The following GBE1 variants were observed in gnomAD, a reference collection of about 807,000 sequenced individuals.
GBE1 encodes the protein 1,4-alpha-glucan branching enzyme 1.
In GBE1, 70 loss-of-function variants were observed where a neutral mutation model predicts 88.8. The observed-to-expected ratio is 0.79, with a 90% CI of 0.65 to 0.96. GBE1 has a LOEUF of 0.96. GBE1 is among the 40% of genes least tolerant of loss of function. The pLI is 0.00. For missense variants in GBE1, 872 were observed against 871.0 expected (o/e 1.00, Z -0.01); for synonymous variants, 284 against 300.1 (o/e 0.95, Z 0.56).
At chr3:81,722,567 T>A (rs780846453) in intron 1 of GBE1, among the ~76,000 whole-genome samples, 64 of 152,000 alleles carry the variant, frequency 4.2e-4, no homozygotes, top group Non-Finnish European at 7.9e-4. Context: ...GCATGTTTAA[T>A]CAAATTGTCT....
At chr3:81,634,054 G>A (rs569186072) in intron 7 of GBE1, among the ~76,000 whole-genome samples, 4 of 152,142 alleles carry the variant, frequency 2.6e-5, no homozygotes, top group Non-Finnish European at 4.4e-5. Context: ...AATTGTATTC[G>A]AAATGGTTTG....
intron 1 of GBE1, among the ~76,000 whole-genome samples, chr3:81,717,960 TTTATTTA>T (rs1229504815): frequency 1.7e-4 from 7 of 42,354 alleles, no homozygotes; most frequent in East Asian, 8.9e-3. Flanking sequence ...TTTTATTTTA[TTTATTTA>T]TTTATTTATT....
At chr3:81,725,610 T>C (rs1706100684) in intron 1 of GBE1, among the ~76,000 whole-genome samples, 1 of 152,228 alleles carries the variant, frequency 6.6e-6, no homozygotes, top group Admixed American at 6.5e-5. Context: ...GTATTATCAT[T>C]ATTAAGCAGT....
At chr3:81,494,776 T>A (rs1354002838) in intron 15 of GBE1, among the ~76,000 whole-genome samples, 2 of 152,218 alleles carry the variant, frequency 1.3e-5, no homozygotes, top group Non-Finnish European at 2.9e-5. Context: ...TCTACTCAGT[T>A]ATTTTGACAA....
At chr3:81,506,071 A>C (rs1267855849) in intron 14 of GBE1, among the ~76,000 whole-genome samples, 1 of 152,174 alleles carries the variant, frequency 6.6e-6, no homozygotes, top group Non-Finnish European at 1.5e-5. Context: ...GGATCTAATT[A>C]AACTAGGGAG....
chr3:81,671,723 T>C (rs1379900816), intron 2 of GBE1, among the ~76,000 whole-genome samples: 4 of 152,022 alleles, frequency 2.6e-5, no homozygotes. Flanking sequence ...TAGAAGAAAA[T>C]ACAGAGAAAT....
chr3:81,552,959 T>C lies in GBE1; in HGVS notation c.1619-15864A>G, dbSNP rs578220738. Among the ~76,000 whole-genome samples the C allele has an allele frequency of 1.2e-4, 18 of 152,322 alleles. No individual in the cohort carries two copies. The East Asian group carries it at 3.1e-3, about 26-fold the overall frequency. On this transcript the variant is annotated intron_variant, in intron 12 of 15. Transcript: ENST00000429644. Reference sequence around the variant, plus strand: ...TTCAGATAATAGATCAGGAAAGTAATGTGACTTTCTAAGGTTATACAGGTA... The same window carrying C: ...TTCAGATAATAGATCAGGAAAGTAACGTGACTTTCTAAGGTTATACAGGTA...
intron 12 of GBE1, among the ~76,000 whole-genome samples, chr3:81,555,026 A>C (rs1306195032): frequency 6.6e-6 from 1 of 152,168 alleles, no homozygotes; most frequent in Non-Finnish European, 1.5e-5. Flanking sequence ...CTGGTGCCAA[A>C]GAAAGGAGAA....
intron 10 of GBE1, among the ~76,000 whole-genome samples, chr3:81,585,122 A>AC (rs1172833613): frequency 6.6e-6 from 1 of 152,158 alleles, no homozygotes; most frequent in East Asian, 1.9e-4. Context: ...TTTATAAAAT[A>AC]CTTGCTTTTT....
At chr3:81,647,460 C>T (rs1281261697) in intron 5 of GBE1, among the ~76,000 whole-genome samples, 1 of 151,690 alleles carries the variant, frequency 6.6e-6, no homozygotes, top group Non-Finnish European at 1.5e-5. Flanking sequence ...TTTAAAAATC[C>T]GTAACATTAA....
At chr3:81,628,457 T>C (rs1704450654) in intron 7 of GBE1, among the ~76,000 whole-genome samples, 2 of 152,018 alleles carry the variant, frequency 1.3e-5, no homozygotes, top group Admixed American at 1.3e-4. Flanking sequence ...AACTGATTTA[T>C]TCATGTGATC....
At chr3:81,627,746 C>CATATAT (rs59598450) in intron 7 of GBE1, among the ~76,000 whole-genome samples, 2 of 127,136 alleles carry the variant, frequency 1.6e-5, no homozygotes, top group South Asian at 2.5e-4. Flanking sequence ...ATATATTTTA[C>CATATAT]ATATATATAT....
chr3:81,580,584 T>C (rs1406802033), intron 11 of GBE1, among the ~76,000 whole-genome samples: 1 of 151,752 alleles, frequency 6.6e-6, no homozygotes, highest in African/African-American at 2.4e-5. Context: ...GGAAACCGGC[T>C]TGAGCCAAAA....
chr3:81,742,351 G>C (rs1477432223), intron 1 of GBE1, among the ~76,000 whole-genome samples: 1 of 151,940 alleles, frequency 6.6e-6, no homozygotes, highest in Admixed American at 6.6e-5. Flanking sequence ...AAAATGCTAT[G>C]AACAACTTTA....
chr3:81,664,554 C>T (rs905869307), intron 3 of GBE1, among the ~76,000 whole-genome samples: 1 of 151,524 alleles, frequency 6.6e-6, no homozygotes, highest in Admixed American at 6.6e-5. Flanking sequence ...AAAAAGAAAA[C>T]CAACAAAATT....
chr3:81,494,505 T>C (rs995396416), intron 15 of GBE1, among the ~76,000 whole-genome samples: 2 of 152,332 alleles, frequency 1.3e-5, no homozygotes, highest in African/African-American at 4.8e-5. Flanking sequence ...ATATAAAAAG[T>C]ATATTGATGT....
intron 7 of GBE1, among the ~76,000 whole-genome samples, chr3:81,604,160 G>A (rs1232233891): frequency 3.3e-5 from 5 of 151,786 alleles, no homozygotes; most frequent in African/African-American, 1.2e-4. Flanking sequence ...TTGTCTAAAC[G>A]TTAAGAACCG....
chr3:81,581,650 CTT>C (rs1703733505), intron 10 of GBE1, among the ~76,000 whole-genome samples: 1 of 151,932 alleles, frequency 6.6e-6, no homozygotes, highest in Admixed American at 6.6e-5. Context: ...TAGAGATACA[CTT>C]GTTATATTTA....
At chr3:81,640,992 T>C (rs532917022) in intron 7 of GBE1, among the ~76,000 whole-genome samples, 8 of 152,258 alleles carry the variant, frequency 5.3e-5, no homozygotes, top group African/African-American at 1.9e-4. Context: ...TAGAAATGTT[T>C]TTGAAAACAA....
Sources: allele counts gnomAD v4.1 joint callset (sites outside exome capture counted in the v4.1 genomes callset), GRCh38; gene constraint gnomAD v4.1.1; transcripts MANE v1.5; gene names NCBI Gene and HGNC (gene_info 2026-07-23, HGNC 2026-07-21).